SCN8A: variants seen among roughly 807,000 people sequenced by gnomAD.
SCN8A encodes sodium channel protein type 8 subunit alpha.
A neutral mutation model predicts 184.1 loss-of-function variants in SCN8A; 30 were observed. The ratio of observed to expected loss-of-function variants is 0.16; its 90% CI spans 0.12 to 0.22. The LOEUF is 0.22. Ranked by LOEUF, SCN8A falls within the 10% of genes least tolerant of loss-of-function variation. SCN8A has a pLI of 1.00. For synonymous variants in SCN8A, 852 were observed against 907.0 expected (o/e 0.94, Z 1.09); for missense variants, 1,057 against 2,498.9 (o/e 0.42, Z 12.30).
At chr12:51,734,487 T>G (rs1942292184) in intron 12 of SCN8A, among the ~76,000 whole-genome samples, 1 of 152,272 alleles carries the variant, frequency 6.6e-6, no homozygotes, top group Non-Finnish European at 1.5e-5. Context: ...AACATGCCCT[T>G]AAGACACAGA....
chr12:51,673,679 A>T (rs1243935602), intron 2 of SCN8A, among the ~76,000 whole-genome samples: 1 of 152,234 alleles, frequency 6.6e-6, no homozygotes, highest in Non-Finnish European at 1.5e-5. Flanking sequence ...CTTGTGCCAG[A>T]TAGGCATCAC....
chr12:51,677,449 G>A (rs545440053), intron 2 of SCN8A, among the ~76,000 whole-genome samples: 3 of 152,150 alleles, frequency 2.0e-5, no homozygotes, highest in South Asian at 4.2e-4. Flanking sequence ...TTGGGATGGG[G>A]TGGAGACATG....
At chr12:51,644,376 A>G (rs1305458462) in intron 1 of SCN8A, among the ~76,000 whole-genome samples, 1 of 152,250 alleles carries the variant, frequency 6.6e-6, no homozygotes, top group Non-Finnish European at 1.5e-5. Context: ...GTGGTATGGG[A>G]TAAGAACAAT....
chr12:51,695,957 T>C (rs1941585879), intron 6 of SCN8A, among the ~76,000 whole-genome samples: 1 of 152,170 alleles, frequency 6.6e-6, no homozygotes, highest in Admixed American at 6.5e-5. Flanking sequence ...AATTTCCACT[T>C]ATGTGGACCT....
chr12:51,801,907 T>C (rs537037145), intron 26 of SCN8A, among the ~76,000 whole-genome samples: 2 of 152,084 alleles, frequency 1.3e-5, no homozygotes, highest in East Asian at 1.9e-4. Context: ...ATACAAAAAT[T>C]AGCCGGGCAT....
intron 14 of SCN8A, among the ~76,000 whole-genome samples, chr12:51,753,784 A>G (rs1047601667): frequency 6.6e-6 from 1 of 152,226 alleles, no homozygotes; most frequent in Non-Finnish European, 1.5e-5. Flanking sequence ...AGCTAAAAGT[A>G]TCTTATAAAT....
intron 21 of SCN8A, among the ~76,000 whole-genome samples, 151 bp downstream of exon 21, chr12:51,780,922 C>G (rs1937898277): frequency 6.6e-6 from 1 of 152,118 alleles, no homozygotes; most frequent in African/African-American, 2.4e-5. Context: ...CACACCTGCC[C>G]CGTGCAAAGG....
intron 12 of SCN8A, among the ~76,000 whole-genome samples, chr12:51,729,234 A>G (rs1280116425): frequency 6.6e-6 from 1 of 152,200 alleles, no homozygotes; most frequent in Non-Finnish European, 1.5e-5. Flanking sequence ...AGTTGTGGGT[A>G]AAAAGGAGGT....
In SCN8A at chr12:51,730,112, G is replaced by A. The variant is rs1484227907; in HGVS notation, c.1998+8204G>A. Among the ~76,000 whole-genome samples, 5 of 151,520 alleles carry A rather than the reference G, an allele frequency of 3.3e-5. No individual in the cohort carries two copies. In the East Asian group the frequency reaches 5.8e-4, roughly 18 times the overall value. ...TTTATGATATGGCTTTTTGCATCCT[G>A]TTCAAGGATGCCTACCCCCAAGAAC... On this transcript the variant is annotated intron_variant, in intron 12 of 26. Transcript: ENST00000627620.
At chr12:51,773,535 T>G (rs1486924322) in intron 19 of SCN8A, among the ~76,000 whole-genome samples, 1 of 152,224 alleles carries the variant, frequency 6.6e-6, no homozygotes, top group Non-Finnish European at 1.5e-5. Flanking sequence ...GTGGAGAAAT[T>G]GGAACACTCA....
At chr12:51,726,590 C>T (rs969252613) in intron 12 of SCN8A, among the ~76,000 whole-genome samples, 1 of 152,106 alleles carries the variant, frequency 6.6e-6, no homozygotes, top group Non-Finnish European at 1.5e-5. Context: ...TTCTCTAAGC[C>T]ATTTTCTTCT....
chr12:51,754,639 C>T (rs1250121519), intron 14 of SCN8A, among the ~76,000 whole-genome samples: 8 of 152,128 alleles, frequency 5.3e-5, no homozygotes, highest in African/African-American at 1.7e-4. Context: ...TTAGGATTAC[C>T]CCATTACATG....
At chr12:51,600,309 T>C (rs1234142439) in intron 1 of SCN8A, among the ~76,000 whole-genome samples, 2 of 152,214 alleles carry the variant, frequency 1.3e-5, no homozygotes, top group Admixed American at 6.5e-5. Flanking sequence ...TACCTTTTTA[T>C]AGACTTGGTA....
At chr12:51,646,757 A>C (rs1334522448) in intron 1 of SCN8A, among the ~76,000 whole-genome samples, 6 of 152,240 alleles carry the variant, frequency 3.9e-5, no homozygotes, top group Non-Finnish European at 5.9e-5. Flanking sequence ...GAAGAAATAA[A>C]AGAAACATGG....
chr12:51,765,475 A>G (rs964927209), intron 15 of SCN8A, among the ~76,000 whole-genome samples, 196 bp from the exon 16 acceptor site: 22 of 152,148 alleles, frequency 1.4e-4, no homozygotes, highest in Admixed American at 1.0e-3. Context: ...CTCTGAAATT[A>G]ATCAGTTTTC....
intron 1 of SCN8A, among the ~76,000 whole-genome samples, chr12:51,597,993 T>G (rs567555521): frequency 7.9e-5 from 12 of 152,194 alleles, no homozygotes; most frequent in Non-Finnish European, 1.0e-4. Context: ...ATGAGACTGA[T>G]AGGGCATTCT....
Position 51,687,095 on chromosome 12 carries a change from A to G in SCN8A, c.490A>G (p.Thr164Ala). The change falls in exon 5 of 27, where the codon ACG (threonine) becomes GCG (alanine). Residue 164 changes from threonine (T) to alanine (A), a missense_variant. Transcript: ENST00000627620. ...AGCTATTCATTTCTTTGACAGGTAC[A>G]CGTTCACAGGGATTTATACATTTGA... ...PPDWSKNVEY[T>A]FTGIYTFESL... 1.2e-6 allele frequency: 2 copies of G among 1,613,404 alleles called. No individual in the cohort carries two copies. The highest frequency in any genetic ancestry group is 1.7e-6 in the Non-Finnish European group (2 of 1,179,486).
At chr12:51,720,175 A>T (rs1348082156) in intron 11 of SCN8A, among the ~76,000 whole-genome samples, 1 of 150,766 alleles carries the variant, frequency 6.6e-6, no homozygotes, top group Non-Finnish European at 1.5e-5. Flanking sequence ...GCCGGATATT[A>T]TATAACTTAC....
chr12:51,784,319 C>T (rs113235657), intron 21 of SCN8A, among the ~76,000 whole-genome samples: 3,423 of 152,124 alleles, frequency 0.023, 64 homozygotes, highest in African/African-American at 0.046. Context: ...TTTTGGAGGC[C>T]GGGATGGGTG....
Sources: allele counts gnomAD v4.1 joint callset (sites outside exome capture counted in the v4.1 genomes callset), GRCh38; gene constraint gnomAD v4.1.1; transcripts MANE v1.5; gene names NCBI Gene and HGNC (gene_info 2026-07-23, HGNC 2026-07-21).